The following TJP1 variants were observed in gnomAD, a reference collection of about 807,000 sequenced individuals.
The protein encoded by TJP1 is tight junction protein 1, also known as tight junction protein ZO-1.
Under a neutral mutation model 194.2 loss-of-function variants are expected in TJP1, and 43 were observed. The ratio of observed to expected loss-of-function variants is 0.22; its 90% CI spans 0.17 to 0.29. The LOEUF is 0.29. Ranked by LOEUF, TJP1 falls within the 10% of genes least tolerant of loss-of-function variation. TJP1 has a pLI of 1.00. For missense variants in TJP1, 1,971 were observed against 2,185.7 expected, an observed-to-expected ratio of 0.90 and a Z score of 1.96; for synonymous variants, 801 against 779.0, an observed-to-expected ratio of 1.03 and a Z score of -0.47.
chr15:29,712,562 CA>C (rs2151058947), intron 23 of TJP1, among the ~76,000 whole-genome samples: 1 of 152,246 alleles, frequency 6.6e-6, no homozygotes, highest in South Asian at 2.1e-4. Flanking sequence ...AGGAACATAT[CA>C]CTAACTCTCA....
At chr15:29,942,658 T>A (rs1309516887) in intron 2 of TJP1, among the ~76,000 whole-genome samples, 1 of 152,188 alleles carries the variant, frequency 6.6e-6, no homozygotes, top group African/African-American at 2.4e-5. Context: ...ATAACGGTGA[T>A]AATTCTGGAA....
intron 1 of TJP1, among the ~76,000 whole-genome samples, chr15:29,819,228 T>TA (rs1310499807): frequency 7.2e-4 from 110 of 152,346 alleles, no homozygotes; most frequent in Non-Finnish European, 1.2e-4. Context: ...CAGAAAACAT[T>TA]TTTAAAAAAT....
chr15:29,910,701 C>T (rs1203434541), intron 2 of TJP1, among the ~76,000 whole-genome samples: 1 of 152,152 alleles, frequency 6.6e-6, no homozygotes, highest in East Asian at 1.9e-4. Flanking sequence ...TATTGATATG[C>T]ATAATGACTA....
At chr15:29,770,282 A>C (rs985721827) in intron 4 of TJP1, among the ~76,000 whole-genome samples, 1 of 152,040 alleles carries the variant, frequency 6.6e-6, no homozygotes, top group Non-Finnish European at 1.5e-5. Context: ...CCCCATCTCT[A>C]CTAAAAATAC....
At chr15:29,949,696 C>A (rs867371982) in intron 2 of TJP1, among the ~76,000 whole-genome samples, 1,383 of 124,716 alleles carry the variant, frequency 0.011, no homozygotes, top group African/African-American at 0.037. Context: ...CCACCACCTC[C>A]ACCACCACCA....
At position 29,872,418 on chromosome 15, in the gene TJP1, G is replaced by A. The variant is rs553889163; in HGVS notation, c.307-71716C>T. Among the ~76,000 whole-genome samples the A allele has an allele frequency of 6.6e-5, 10 of 152,272 alleles. No homozygotes were observed. In the South Asian group the frequency reaches 2.1e-3, roughly 32 times the overall value. On this transcript the variant is annotated intron_variant, in intron 2 of 28. Transcript: ENST00000356107. The stretch of plus-strand genomic sequence containing the variant: ...AAATCAAAAACACAATTCAAGGATA[G>A]TATAACAAAAACATATTTCAGATAC...
In TJP1 at chr15:29,774,892, T is replaced by C. The variant is rs1271113657; in HGVS notation, c.85-1535A>G. Among the ~76,000 whole-genome samples the C allele has an allele frequency of 2.0e-5, 3 of 151,688 alleles. No individual in the cohort carries two copies. The East Asian group carries it at 5.8e-4, about 29-fold the overall frequency. ...CTCCCAAAATTTAATAGAACAAAAA[T>C]AGACCAACTACAGTGGTTCTCCCTT... On this transcript the variant is annotated intron_variant, in intron 2 of 27. Transcript: ENST00000614355.
Position 29,822,121 on chromosome 15 carries a change from T to C in TJP1, c.-93A>G. On this transcript the variant is annotated 5_prime_UTR_variant, in exon 1 of 28. An upstream start codon of the reference 5' UTR is lost. Coordinates refer to ENST00000614355, the MANE Select transcript of TJP1 (RefSeq NM_001330239.4). ...CCTCACGCCACAGCCCAAATAAACATCTCCCGAGAGCGAGCGGGGCACGGG... is the reference window on the plus strand; with the variant it reads ...CCTCACGCCACAGCCCAAATAAACACCTCCCGAGAGCGAGCGGGGCACGGG... 8.3e-7 allele frequency: 1 copy of C among 1,201,532 alleles called. No individual in the cohort carries two copies. The highest frequency in any genetic ancestry group is 4.4e-5 in the Admixed American group (1 of 22,490). 74.4% of individuals were successfully genotyped at this position (1,201,532 alleles called of 1,614,324 possible).
intron 2 of TJP1, among the ~76,000 whole-genome samples, chr15:29,906,461 C>A: frequency 1.5e-5 from 1 of 65,954 alleles, no homozygotes; most frequent in Admixed American, 1.4e-4. Context: ...GAGCGAGACT[C>A]CGTCTCAAAA....
At chr15:29,871,727 CCCCAAGAGAGA>C (rs958889744) in intron 2 of TJP1, among the ~76,000 whole-genome samples, 83 of 152,314 alleles carry the variant, frequency 5.4e-4, no homozygotes, top group African/African-American at 1.9e-3. Flanking sequence ...CGGACTGCAG[CCCCAAGAGAGA>C]CCCGAGGGAG....
In TJP1 at chr15:29,761,208, C is replaced by A. The variant is rs781474449; in HGVS notation, c.941G>T (p.Arg314Leu). The part of the protein sequence containing the change: ...HDRPPRRSRS[R>L]SPDQRSEPSD... ...AGGCTCTGACCGCTGGTCAGGAGATCGTGACCGGCTGCGGCGGGGAGGCCT... is the reference window on the plus strand; with the variant it reads ...AGGCTCTGACCGCTGGTCAGGAGATAGTGACCGGCTGCGGCGGGGAGGCCT... The change falls in exon 8 of 28, where the codon CGA becomes CTA. Residue 314 changes from arginine to leucine, a missense_variant. Arg to Leu is a moderately radical substitution (Grantham distance 102). Around this residue, in one of 5 missense-constraint regions of TJP1, gnomAD observed 192 missense variants for 182.3 expected, o/e 1.05. Transcript: ENST00000614355. The A allele has an allele frequency of 1.9e-6, 3 of 1,614,050 alleles. No homozygotes were observed. The highest frequency in any genetic ancestry group is 4.5e-5 in the East Asian group (2 of 44,866).
intron 8 of TJP1, among the ~76,000 whole-genome samples, chr15:29,753,124 A>G (rs531391370): frequency 1.3e-5 from 2 of 152,310 alleles, no homozygotes; most frequent in East Asian, 3.9e-4. Context: ...TTGTATTTTC[A>G]AATTTATGTA....
chr15:29,795,836 T>G (rs2048367364), intron 2 of TJP1, among the ~76,000 whole-genome samples: 1 of 152,132 alleles, frequency 6.6e-6, no homozygotes, highest in Non-Finnish European at 1.5e-5. Flanking sequence ...ATCTGAGGAA[T>G]GCAAGGCTGT....
chr15:29,785,521 C>A (rs1393174451), intron 2 of TJP1, among the ~76,000 whole-genome samples: 1 of 152,180 alleles, frequency 6.6e-6, no homozygotes, highest in Non-Finnish European at 1.5e-5. Context: ...GAAAGTTGCT[C>A]CTGTTTCAGA....
At chr15:29,707,963 G>C (rs994738189) in intron 25 of TJP1, among the ~76,000 whole-genome samples, 3 of 152,094 alleles carry the variant, frequency 2.0e-5, no homozygotes, top group Non-Finnish European at 1.5e-5. Context: ...TTTGGGAGGT[G>C]GAGGCGGATG....
intron 2 of TJP1, among the ~76,000 whole-genome samples, chr15:29,782,696 G>A (rs751491843): frequency 6.6e-6 from 1 of 152,024 alleles, no homozygotes; most frequent in African/African-American, 2.4e-5. Flanking sequence ...TTGACAAATG[G>A]AATCTAATTA....
chr15:29,953,140 ATTTTT>A (rs71416442), intron 2 of TJP1, among the ~76,000 whole-genome samples: 4 of 110,976 alleles, frequency 3.6e-5, no homozygotes, highest in Admixed American at 1.1e-4. Flanking sequence ...AAGAAGACAG[ATTTTT>A]TTTTTTTTTT....
upstream of TJP1, among the ~76,000 whole-genome samples, chr15:29,826,974 G>A (rs1156488028): frequency 2.6e-5 from 4 of 152,078 alleles, no homozygotes; most frequent in Admixed American, 6.5e-5. Flanking sequence ...TGGGCTGCCC[G>A]CTCCCACAGC....
chr15:29,883,258 T>C (rs1464423223), intron 2 of TJP1, among the ~76,000 whole-genome samples: 2 of 149,492 alleles, frequency 1.3e-5, no homozygotes, highest in African/African-American at 4.9e-5. Flanking sequence ...GGGACTTAAG[T>C]GACGCTGGGT....
Sources: gnomAD v4.1 joint callset for allele counts (sites outside exome capture counted in the v4.1 genomes callset) on GRCh38, gnomAD v4.1.1 for gene constraint, gnomAD v4.1.1 regional missense constraint, MANE v1.5 for transcripts, NCBI Gene and HGNC (gene_info 2026-07-23, HGNC 2026-07-21) for gene names.